SYNDIG1: variants seen among roughly 807,000 people sequenced by gnomAD.
The protein encoded by SYNDIG1 is synapse differentiation-inducing gene protein 1.
A neutral mutation model predicts 19.4 loss-of-function variants in SYNDIG1; 9 were observed. That is an observed-to-expected ratio of 0.46 (90% CI 0.28 to 0.81). The LOEUF is 0.81. Ranked by LOEUF, SYNDIG1 falls within the 30% of genes least tolerant of loss-of-function variation. The probability of loss-of-function intolerance (pLI) is 0.12; values close to 1 mark genes in which losing one functional copy is unlikely to be tolerated. For synonymous variants in SYNDIG1, 141 were observed against 145.9 expected, an observed-to-expected ratio of 0.97 and a Z score of 0.24; for missense variants, 311 against 343.3, an observed-to-expected ratio of 0.91 and a Z score of 0.74.
At chr20:24,611,372 C>G (rs928516932) in intron 3 of SYNDIG1, among the ~76,000 whole-genome samples, 16 of 152,304 alleles carry the variant, frequency 1.1e-4, no homozygotes, top group African/African-American at 3.4e-4. Flanking sequence ...GCTCCTAAGG[C>G]AGTAAGCTGG....
chr20:24,633,644 C>G (rs1444805681), intron 3 of SYNDIG1, among the ~76,000 whole-genome samples: 3 of 152,142 alleles, frequency 2.0e-5, no homozygotes, highest in Admixed American at 6.5e-5. Context: ...GCATCAGGGT[C>G]ATCTGGGAAC....
At position 24,543,104 on chromosome 20, in the gene SYNDIG1, G is replaced by A; in HGVS notation, c.7G>A (p.Gly3Ser). 6.2e-7 allele frequency: 1 copy of A among 1,612,964 alleles called. No individual in the cohort carries two copies. The highest frequency in any genetic ancestry group is 8.5e-7 in the Non-Finnish European group (1 of 1,179,104). ...CAGCCAGGGAGAGAGTACCATGGAT[G>A]GCATCATTGAACAGAAGAGCATGCT... is the stretch of plus-strand genomic sequence containing the variant. MD[G>S]IIEQKSMLVH... The change falls in exon 2 of 4, where the codon GGC (glycine) becomes AGC (serine). Residue 3 changes from glycine to serine, a missense_variant. Coordinates refer to ENST00000376862, the MANE Select transcript of SYNDIG1 (RefSeq NM_024893.3).
intron 1 of SYNDIG1, among the ~76,000 whole-genome samples, chr20:24,491,111 T>C (rs1450459538): frequency 6.6e-6 from 1 of 152,164 alleles, no homozygotes; most frequent in African/African-American, 2.4e-5. Context: ...ATGGGATTGA[T>C]AGTAAAACAT....
At chr20:24,471,387 CG>C (rs2055449750) in intron 1 of SYNDIG1, among the ~76,000 whole-genome samples, 1 of 151,902 alleles carries the variant, frequency 6.6e-6, no homozygotes, top group Non-Finnish European at 1.5e-5. Context: ...CTGTGTTTGG[CG>C]GTGGTGTGGC....
At chr20:24,536,593 G>A (rs903524707) in intron 1 of SYNDIG1, among the ~76,000 whole-genome samples, 3 of 152,074 alleles carry the variant, frequency 2.0e-5, no homozygotes, top group South Asian at 2.1e-4. Context: ...TCCGGGTTAC[G>A]CCTGCTTACT....
At chr20:24,565,278 A>G (rs2058023773) in intron 2 of SYNDIG1, among the ~76,000 whole-genome samples, 1 of 152,234 alleles carries the variant, frequency 6.6e-6, no homozygotes, top group Non-Finnish European at 1.5e-5. Flanking sequence ...TTACAATGCA[A>G]GAAGTATCTT....
At chr20:24,632,816 G>A (rs1393053847) in intron 3 of SYNDIG1, among the ~76,000 whole-genome samples, 7 of 152,194 alleles carry the variant, frequency 4.6e-5, no homozygotes, top group Non-Finnish European at 8.8e-5. Context: ...GAAGGCCATC[G>A]GGGCTTCCAG....
At chr20:24,496,046 CA>C (rs1485911033) in intron 1 of SYNDIG1, among the ~76,000 whole-genome samples, 2 of 152,064 alleles carry the variant, frequency 1.3e-5, no homozygotes, top group Non-Finnish European at 2.9e-5. Context: ...AGGGTTTCAC[CA>C]TGTTAGACAG....
chr20:24,662,408 T>C (rs913342354), intron 3 of SYNDIG1, among the ~76,000 whole-genome samples: 3 of 152,106 alleles, frequency 2.0e-5, no homozygotes, highest in African/African-American at 7.2e-5. Flanking sequence ...CATGTTCCAG[T>C]GTGGGCTGTG....
intron 3 of SYNDIG1, among the ~76,000 whole-genome samples, chr20:24,625,759 A>G (rs948874122): frequency 2.0e-5 from 3 of 152,212 alleles, no homozygotes; most frequent in African/African-American, 4.8e-5. Context: ...TCCCATGTCT[A>G]CTTCTTTCTA....
intron 1 of SYNDIG1, among the ~76,000 whole-genome samples, chr20:24,519,423 T>A (rs1386213822): frequency 6.6e-6 from 1 of 152,214 alleles, no homozygotes; most frequent in Non-Finnish European, 1.5e-5. Flanking sequence ...AAAAAGCAAG[T>A]CACTCCACCA....
chr20:24,614,833 A>G (rs2058904827), intron 3 of SYNDIG1, among the ~76,000 whole-genome samples: 5 of 152,254 alleles, frequency 3.3e-5, no homozygotes, highest in Admixed American at 2.6e-4. Context: ...GTTTATATGC[A>G]TAAATTAATG....
At chr20:24,530,011 T>TAGTGTCAGTGGTGGG (rs1568614839) in intron 1 of SYNDIG1, among the ~76,000 whole-genome samples, 18 of 51,610 alleles carry the variant, frequency 3.5e-4, no homozygotes, top group South Asian at 6.3e-4. Context: ...GTGGGGATAA[T>TAGTGTCAGTGGTGGG]GATGGTGATG....
intron 1 of SYNDIG1, among the ~76,000 whole-genome samples, chr20:24,507,542 G>T (rs1381216980): frequency 6.6e-6 from 1 of 152,170 alleles, no homozygotes; most frequent in Non-Finnish European, 1.5e-5. Context: ...CCCAGCCCTT[G>T]CCACACTCTG....
intron 3 of SYNDIG1, among the ~76,000 whole-genome samples, chr20:24,634,419 T>G (rs1165153651): frequency 6.6e-6 from 1 of 152,208 alleles, no homozygotes; most frequent in South Asian, 2.1e-4. Context: ...TTCCACCAAG[T>G]CAAAGGTTAT....
chr20:24,485,847 C>A (rs1165936052), intron 1 of SYNDIG1, among the ~76,000 whole-genome samples: 2 of 152,180 alleles, frequency 1.3e-5, no homozygotes, highest in Non-Finnish European at 2.9e-5. Flanking sequence ...TCCCTCCTGG[C>A]TCCCAGATGG....
At chr20:24,645,049 A>G (rs2059410764) in intron 3 of SYNDIG1, among the ~76,000 whole-genome samples, 1 of 152,230 alleles carries the variant, frequency 6.6e-6, no homozygotes, top group African/African-American at 2.4e-5. Context: ...GACCCTGGAA[A>G]AATGCTCTTA....
chr20:24,524,075 G>A (rs1056570243), intron 1 of SYNDIG1, among the ~76,000 whole-genome samples: 2 of 152,148 alleles, frequency 1.3e-5, no homozygotes, highest in African/African-American at 4.8e-5. Flanking sequence ...AATATTTATT[G>A]TCATCCTTGT....
chr20:24,539,613 A>G (rs2057428838), intron 1 of SYNDIG1, among the ~76,000 whole-genome samples: 1 of 152,178 alleles, frequency 6.6e-6, no homozygotes, highest in South Asian at 2.1e-4. Flanking sequence ...GTTTCTGCAG[A>G]CAACATTACT....
Sources: allele counts gnomAD v4.1 joint callset (sites outside exome capture counted in the v4.1 genomes callset), GRCh38; gene constraint gnomAD v4.1.1; transcripts MANE v1.5; gene names NCBI Gene and HGNC (gene_info 2026-07-23, HGNC 2026-07-21).